Variants in PPP2R2B observed in about 807,000 individuals in gnomAD.
PPP2R2B encodes the protein serine/threonine-protein phosphatase 2A 55 kDa regulatory subunit B beta isoform.
Under a neutral mutation model 46.0 loss-of-function variants are expected in PPP2R2B, and 5 were observed. The ratio of observed to expected loss-of-function variants is 0.11; its 90% CI spans 0.06 to 0.23. The LOEUF is 0.23. PPP2R2B is among the 10% of genes least tolerant of loss of function. The pLI, the probability that PPP2R2B is intolerant of heterozygous loss-of-function variation, is 1.00. For synonymous variants in PPP2R2B, 215 were observed against 206.7 expected, an observed-to-expected ratio of 1.04 and a Z score of -0.34; for missense variants, 367 against 575.0, an observed-to-expected ratio of 0.64 and a Z score of 3.70.
chr5:146,986,248 A>G (rs1382947580), intron 1 of PPP2R2B, among the ~76,000 whole-genome samples: 1 of 152,164 alleles, frequency 6.6e-6, no homozygotes, highest in Non-Finnish European at 1.5e-5. Flanking sequence ...GAGACTTTGC[A>G]TTGGAACTTA....
intron 2 of PPP2R2B, among the ~76,000 whole-genome samples, chr5:146,709,236 C>T (rs569751250): frequency 3.9e-5 from 6 of 152,330 alleles, no homozygotes; most frequent in African/African-American, 1.4e-4. Flanking sequence ...GTCCCAAGCT[C>T]TTATCACAAT....
chr5:146,918,614 C>T (rs1037408378), intron 1 of PPP2R2B, among the ~76,000 whole-genome samples: 11 of 151,836 alleles, frequency 7.2e-5, no homozygotes, highest in African/African-American at 2.4e-4. Flanking sequence ...AAACTTTTGC[C>T]TCTCTCTCAA....
At chr5:147,043,437 C>T (rs1180677890) in intron 1 of PPP2R2B, among the ~76,000 whole-genome samples, 4 of 152,018 alleles carry the variant, frequency 2.6e-5, no homozygotes, top group Admixed American at 6.6e-5. Flanking sequence ...GTTGAGAAGA[C>T]GGTCGTCAGC....
chr5:146,964,391 C>T (rs1196565989), intron 1 of PPP2R2B, among the ~76,000 whole-genome samples: 1 of 152,128 alleles, frequency 6.6e-6, no homozygotes, highest in African/African-American at 2.4e-5. Context: ...TCTGGCATGT[C>T]CTGCTAAATA....
intron 4 of PPP2R2B, among the ~76,000 whole-genome samples, chr5:146,694,577 T>C (rs1268754947): frequency 6.6e-6 from 1 of 152,192 alleles, no homozygotes; most frequent in African/African-American, 2.4e-5. Flanking sequence ...TCAGGAACGA[T>C]CATCGTCAAC....
At position 147,055,689 on chromosome 5, in the gene PPP2R2B, G is replaced by C. The variant is rs373239591; in HGVS notation, c.55C>G (p.Leu19Val). 4 of 1,612,410 alleles carry C rather than the reference G, an allele frequency of 2.5e-6. No homozygotes were observed. In the African/African-American group the frequency reaches 4.0e-5, roughly 16 times the overall value. ...CCTTCTGTGTGGCAGCTGGAAGAAA[G>C]GATGGTGTTCGGAGGTCTGAAGATG... The change falls in exon 1 of 9, where the codon CTT becomes GTT. Residue 19 changes from leucine to valine, a missense_variant. By Grantham distance (32) the Leu-to-Val change is conservative. Coordinates refer to the PPP2R2B transcript ENST00000336640.
chr5:146,844,047 A>C (rs1289896993), intron 2 of PPP2R2B, among the ~76,000 whole-genome samples: 1 of 150,588 alleles, frequency 6.6e-6, no homozygotes, highest in African/African-American at 2.4e-5. Context: ...CAATGGTTGA[A>C]CTAGTTTACA....
intron 2 of PPP2R2B, among the ~76,000 whole-genome samples, chr5:146,863,002 G>C (rs1761098677): frequency 1.3e-5 from 2 of 151,326 alleles, no homozygotes; most frequent in South Asian, 4.2e-4. Context: ...GTTGCCAGCT[G>C]AAGTACAATA....
intron 2 of PPP2R2B, among the ~76,000 whole-genome samples, chr5:146,719,947 G>A (rs1343030790): frequency 6.6e-6 from 1 of 151,994 alleles, no homozygotes; most frequent in East Asian, 1.9e-4. Context: ...CCTTTAGAAG[G>A]GCATAGGTCT....
chr5:146,764,738 T>G (rs1234311095), intron 2 of PPP2R2B, among the ~76,000 whole-genome samples: 1 of 152,078 alleles, frequency 6.6e-6, no homozygotes, highest in African/African-American at 2.4e-5. Context: ...ATTTAAGTCC[T>G]TCTAATCTCA....
intron 5 of PPP2R2B, among the ~76,000 whole-genome samples, chr5:146,683,268 C>T (rs1778291467): frequency 6.6e-6 from 1 of 152,184 alleles, no homozygotes; most frequent in Non-Finnish European, 1.5e-5. Flanking sequence ...AGTTGTTTTC[C>T]AGCCCCTGCT....
At position 146,877,988 on chromosome 5, in the gene PPP2R2B, G is replaced by C; in HGVS notation, c.70+14C>G. 1 of 1,607,832 alleles carries C rather than the reference G, an allele frequency of 6.2e-7. No individual in the cohort carries two copies. The highest frequency in any genetic ancestry group is 8.5e-7 in the Non-Finnish European group (1 of 1,175,788). On this transcript the variant is annotated intron_variant, in intron 2 of 9. Transcript: ENST00000394411. The stretch of plus-strand genomic sequence containing the variant: ...CCCGGCCCCAACGGCGGAATGCGGC[G>C]GGGCTGGCGTTACCTTCGGTCGCAT...
intron 5 of PPP2R2B, among the ~76,000 whole-genome samples, chr5:146,659,514 G>A (rs958859628): frequency 1.3e-5 from 2 of 152,112 alleles, no homozygotes; most frequent in African/African-American, 4.8e-5. Context: ...CTTAACGTTG[G>A]GGATATGTAA....
chr5:146,718,605 C>T (rs911670258), intron 2 of PPP2R2B, among the ~76,000 whole-genome samples: 21 of 152,156 alleles, frequency 1.4e-4, no homozygotes, highest in African/African-American at 4.6e-4. Flanking sequence ...TAATCATATA[C>T]ACGAAAACAC....
intron 2 of PPP2R2B, among the ~76,000 whole-genome samples, chr5:146,771,055 C>T (rs1052694484): frequency 7.9e-5 from 12 of 152,090 alleles, no homozygotes; most frequent in Middle Eastern, 3.2e-3. Context: ...AAGAATAATA[C>T]AAATAAATAG....
intron 2 of PPP2R2B, among the ~76,000 whole-genome samples, chr5:146,806,629 C>G (rs1213441991): frequency 2.0e-5 from 3 of 152,308 alleles, no homozygotes; most frequent in Non-Finnish European, 4.4e-5. Context: ...AAAAATGAAG[C>G]AACAGAGGTG....
chr5:146,979,365 A>G (rs916902248), intron 1 of PPP2R2B, among the ~76,000 whole-genome samples: 1 of 151,844 alleles, frequency 6.6e-6, no homozygotes, highest in African/African-American at 2.4e-5. Flanking sequence ...ATTTCACACA[A>G]TTTTCTTGTT....
chr5:146,603,472 C>T (rs1402706425), intron 7 of PPP2R2B, among the ~76,000 whole-genome samples: 2 of 152,220 alleles, frequency 1.3e-5, no homozygotes, highest in Non-Finnish European at 2.9e-5. Flanking sequence ...GACACCTTCA[C>T]AAGATGGATG....
intron 1 of PPP2R2B, among the ~76,000 whole-genome samples, chr5:146,987,663 T>C (rs1257798972): frequency 6.6e-6 from 1 of 151,914 alleles, no homozygotes; most frequent in Non-Finnish European, 1.5e-5. Context: ...ATTTAAAACA[T>C]ACTACCAGAC....
Sources: gnomAD v4.1 joint callset for allele counts (sites outside exome capture counted in the v4.1 genomes callset) on GRCh38, gnomAD v4.1.1 for gene constraint, MANE v1.5 for transcripts, NCBI Gene and HGNC (gene_info 2026-07-23, HGNC 2026-07-21) for gene names.